The following STAB2 variants were observed in gnomAD, a reference collection of about 807,000 sequenced individuals.
STAB2 encodes stabilin-2.
A neutral mutation model predicts 338.1 loss-of-function variants in STAB2; 288 were observed. The observed-to-expected ratio is 0.85, with a 90% CI of 0.77 to 0.94. The LOEUF (loss-of-function observed/expected upper bound fraction) is 0.94. Ranked by LOEUF, STAB2 falls within the 40% of genes least tolerant of loss-of-function variation. STAB2 has a pLI of 0.00. For missense variants in STAB2, 3,141 were observed against 3,210.1 expected, an observed-to-expected ratio of 0.98 and a Z score of 0.52; for synonymous variants, 1,202 against 1,193.3, an observed-to-expected ratio of 1.01 and a Z score of -0.15.
At chr12:103,743,727 C>T (rs1007912024) in intron 56 of STAB2, among the ~76,000 whole-genome samples, 1 of 152,098 alleles carries the variant, frequency 6.6e-6, no homozygotes, top group African/African-American at 2.4e-5. Context: ...ACAGTGCAGA[C>T]CAGAGGAACA....
intron 9 of STAB2, among the ~76,000 whole-genome samples, chr12:103,643,177 T>C (rs1873049738): frequency 6.6e-6 from 1 of 152,128 alleles, no homozygotes; most frequent in South Asian, 2.1e-4. Context: ...GGGACCTCTT[T>C]TCTAAGGGCA....
In STAB2 at chr12:103,727,998, C is replaced by G. The variant is rs547070079; in HGVS notation, c.4935+648C>G. Among the ~76,000 whole-genome samples the G allele has an allele frequency of 2.0e-4, 30 of 152,104 alleles. 1 individual carries two copies. The highest frequency in any genetic ancestry group is 4.1e-4 in the Non-Finnish European group (28 of 68,014). On this transcript the variant is annotated intron_variant, in intron 47 of 68. Coordinates refer to ENST00000388887, the MANE Select transcript of STAB2 (RefSeq NM_017564.10). The stretch of plus-strand genomic sequence containing the variant: ...CTTAACCACTGTACACCCAGCCTCT[C>G]CATGCCTGTATTTTGGACACCAGCA...
chr12:103,711,096 G>C (rs909771759), intron 39 of STAB2, among the ~76,000 whole-genome samples: 1 of 152,168 alleles, frequency 6.6e-6, no homozygotes, highest in Non-Finnish European at 1.5e-5. Context: ...GAATAAACTA[G>C]AAAGAATAGC....
chr12:103,711,654 T>C, intron 40 of STAB2, 138 bp downstream of exon 40: 1 of 984,188 alleles, frequency 1.0e-6, no homozygotes, highest in East Asian at 2.5e-5. Context: ...AGTATGAAAC[T>C]AAAAATATCT....
chr12:103,687,496 C>T (rs934756236), intron 27 of STAB2, among the ~76,000 whole-genome samples: 8 of 152,244 alleles, frequency 5.3e-5, no homozygotes, highest in African/African-American at 1.9e-4. Context: ...TATAGCTTCC[C>T]TTCACCCCAC....
At chr12:103,666,480 T>G (rs987802787) in intron 19 of STAB2, 127 bp downstream of exon 19, 2 of 902,450 alleles carry the variant, frequency 2.2e-6, no homozygotes, top group Admixed American at 4.0e-5. Context: ...GATGGGCTCG[T>G]AGCCTACTAT....
chr12:103,733,261 T>G, intron 51 of STAB2, 79 bp downstream of exon 51: 1 of 1,529,022 alleles, frequency 6.5e-7, no homozygotes, highest in Non-Finnish European at 8.9e-7. Context: ...CATTGTGGCC[T>G]AGGAACTGTC....
chr12:103,763,063 G>A (rs11111753), intron 67 of STAB2, among the ~76,000 whole-genome samples: 2 of 152,226 alleles, frequency 1.3e-5, no homozygotes, highest in Non-Finnish European at 2.9e-5. Flanking sequence ...CAGACAGCTT[G>A]TATATTTATA....
intron 3 of STAB2, among the ~76,000 whole-genome samples, chr12:103,605,991 G>A (rs1332474089): frequency 2.6e-5 from 4 of 152,050 alleles, no homozygotes; most frequent in Admixed American, 6.5e-5. Context: ...TAATGCGTTA[G>A]GTTTACATCC....
At chr12:103,761,498 T>G (rs1434289922) in intron 66 of STAB2, 88 bp downstream of exon 66, 24 of 1,145,074 alleles carry the variant, frequency 2.1e-5, no homozygotes, top group Non-Finnish European at 3.1e-5. Context: ...AGCCCTGTCC[T>G]CCTCCCTCTT....
chr12:103,733,363 G>A (rs1392579100), intron 51 of STAB2, among the ~76,000 whole-genome samples, 181 bp downstream of exon 51: 1 of 152,206 alleles, frequency 6.6e-6, no homozygotes, highest in South Asian at 2.1e-4. Flanking sequence ...ATTGGCTCCT[G>A]CAGTATACCA....
At chr12:103,621,490 T>G (rs559753283) in intron 4 of STAB2, among the ~76,000 whole-genome samples, 99 of 152,254 alleles carry the variant, frequency 6.5e-4, no homozygotes, top group African/African-American at 2.2e-3. Flanking sequence ...CCCAGTACTT[T>G]GGGAGGCCAA....
intron 42 of STAB2, 81 bp from the exon 43 acceptor site, chr12:103,715,734 A>G: frequency 1.3e-6 from 2 of 1,540,234 alleles, no homozygotes; most frequent in Non-Finnish European, 1.8e-6. Flanking sequence ...TCAGTTAGCC[A>G]TCTTAGCTCA....
intron 44 of STAB2, 133 bp from the exon 45 acceptor site, chr12:103,724,842 T>A (rs1881055258): frequency 6.7e-7 from 1 of 1,485,812 alleles, no homozygotes; most frequent in South Asian, 1.3e-5. Flanking sequence ...AGGAAAAGGA[T>A]AAACAATACA....
At chr12:103,666,873 A>G (rs975621375) in intron 19 of STAB2, among the ~76,000 whole-genome samples, 3 of 152,260 alleles carry the variant, frequency 2.0e-5, no homozygotes, top group African/African-American at 7.2e-5. Context: ...AGGATTGAGC[A>G]TATATCAGAC....
Position 103,703,262 on chromosome 12 carries a change from A to T in STAB2, c.3829A>T (p.Thr1277Ser), listed in dbSNP as rs1306613614. ...GAAGAACAGATGTGATAATAATGAC[A>T]CTACTATTATACGAGTAAGTTCTAT... ...IQKNRCDNND[T>S]TIIRGRCRTC... is the part of the protein sequence containing the mutation. Residue 1277 changes from threonine (T) to serine (S), a missense_variant, in exon 35 of 69, where the codon ACT becomes TCT. Physicochemically the swap from Thr to Ser is moderately conservative, Grantham distance 58. Coordinates refer to ENST00000388887, the MANE Select transcript of STAB2 (RefSeq NM_017564.10). The T allele has an allele frequency of 6.2e-7, 1 of 1,613,302 alleles. No homozygotes were observed. Among genetic ancestry groups the T allele is most frequent in the South Asian group, 1.1e-5 (1 of 91,044 alleles).
intron 48 of STAB2, 141 bp downstream of exon 48, chr12:103,729,136 G>A: frequency 2.6e-6 from 2 of 756,000 alleles, no homozygotes; most frequent in Non-Finnish European, 4.3e-6. Flanking sequence ...CTTACAAGTG[G>A]GAGCTAAATA....
intron 28 of STAB2, among the ~76,000 whole-genome samples, chr12:103,688,624 G>A (rs552740007): frequency 1.3e-5 from 2 of 152,006 alleles, no homozygotes; most frequent in South Asian, 4.2e-4. Context: ...AGCCCAGCCA[G>A]CCATTGCAAC....
chr12:103,761,541 A>C, intron 66 of STAB2, 131 bp downstream of exon 66: 2 of 766,048 alleles, frequency 2.6e-6, no homozygotes, highest in South Asian at 1.8e-5. Flanking sequence ...CCAGCCTCCA[A>C]CCTCCAAGGT....
Sources: allele counts gnomAD v4.1 joint callset (sites outside exome capture counted in the v4.1 genomes callset), GRCh38; gene constraint gnomAD v4.1.1; transcripts MANE v1.5; gene names NCBI Gene and HGNC (gene_info 2026-07-23, HGNC 2026-07-21).